KLHL42: variants seen among roughly 807,000 people sequenced by gnomAD.
KLHL42 encodes kelch like family member 42, also known as kelch-like protein 42.
In KLHL42, 27 loss-of-function variants were observed where a neutral mutation model predicts 32.7. That is an observed-to-expected ratio of 0.83 (90% CI 0.61 to 1.14). KLHL42 has a LOEUF of 1.14. KLHL42 is among the 50% of genes most tolerant of loss of function. KLHL42 has a pLI of 0.00. For synonymous variants in KLHL42, 267 were observed against 248.2 expected (o/e 1.08, Z -0.71); for missense variants, 491 against 560.8 (o/e 0.88, Z 1.26).
chr12:27,782,565 C>T (rs2062153720), intron 1 of KLHL42, among the ~76,000 whole-genome samples: 2 of 152,034 alleles, frequency 1.3e-5, no homozygotes, highest in Non-Finnish European at 2.9e-5. Flanking sequence ...AACAAAGGAA[C>T]ATTGTGTGGC....
chr12:27,799,890 G>C lies in KLHL42; in HGVS notation c.*1724G>C, dbSNP rs971301829. The C allele has an allele frequency of 9.8e-6, 7 of 713,064 alleles. No homozygotes were observed. The highest frequency in any genetic ancestry group is 1.0e-5 in the Non-Finnish European group (6 of 581,700). 44.2% of individuals were successfully genotyped at this position (713,064 alleles called of 1,614,324 possible). On this transcript the variant is annotated 3_prime_UTR_variant, in exon 3 of 3. Transcript: ENST00000381271. The stretch of plus-strand genomic sequence containing the variant: ...AACTTTGTAAGGGTTTCTAAGCTAT[G>C]CCCATTTATTCCCAAATATTAAGCC...
In KLHL42 at chr12:27,800,262, G is replaced by C. The variant is rs1330658537; in HGVS notation, c.*2096G>C. ...TCATTGGGTCTATTTGCCTAATGTT[G>C]ACAATTAGATTCTTGGACCAAGTGA... On this transcript the variant is annotated 3_prime_UTR_variant, in exon 3 of 3. Coordinates refer to ENST00000381271, the MANE Select transcript of KLHL42 (RefSeq NM_020782.2). 1.0e-6 allele frequency: 1 copy of C among 985,124 alleles called. No homozygotes were observed. Among genetic ancestry groups the C allele is most frequent in the Non-Finnish European group, 1.2e-6 (1 of 829,908 alleles). 61.0% of individuals were successfully genotyped at this position (985,124 alleles called of 1,614,324 possible).
At position 27,792,122 on chromosome 12, in the gene KLHL42, G is replaced by T. The variant is rs535101552; in HGVS notation, c.1066+221G>T. On this transcript the variant is annotated intron_variant, in intron 2 of 2. Coordinates refer to ENST00000381271, the MANE Select transcript of KLHL42 (RefSeq NM_020782.2). ...TTGTGTGAGCATGAAAATCGAATGG[G>T]GAAGGGAGAGCTGTGAAAAAAAAAT... 3 of 379,464 alleles carry T rather than the reference G, an allele frequency of 7.9e-6. No individual in the cohort carries two copies. The East Asian group carries it at 1.3e-4, about 16-fold the overall frequency. 23.5% of individuals were successfully genotyped at this position (379,464 alleles called of 1,614,324 possible). A position where few individuals can be genotyped will look rare whatever the true frequency, so the allele number is the denominator to read the frequency against.
chr12:27,792,010 G>C, intron 2 of KLHL42, 109 bp downstream of exon 2: 1 of 850,718 alleles, frequency 1.2e-6, no homozygotes, highest in Non-Finnish European at 1.9e-6. Context: ...GTCATGTTAT[G>C]CTTTAATAGT....
At chr12:27,781,323 T>G in intron 1 of KLHL42, 121 bp downstream of exon 1, 4 of 1,209,118 alleles carry the variant, frequency 3.3e-6, no homozygotes, top group Non-Finnish European at 4.5e-6. Context: ...AATGACATCT[T>G]CAGGAATGTT....
At chr12:27,793,401 G>A (rs1052475489) in intron 2 of KLHL42, among the ~76,000 whole-genome samples, 3 of 151,990 alleles carry the variant, frequency 2.0e-5, no homozygotes, top group Admixed American at 1.3e-4. Context: ...AAATTAGCTG[G>A]TTGTGGTGGC....
In KLHL42 at chr12:27,799,358, G is replaced by T. The variant is rs2062234177; in HGVS notation, c.*1192G>T. The stretch of plus-strand genomic sequence containing the variant: ...ACAATAAAAGCTTCTGCCAATCATA[G>T]ATCAACATTCCTCAAAAATACATAC... On this transcript the variant is annotated 3_prime_UTR_variant, in exon 3 of 3. Coordinates refer to ENST00000381271, the MANE Select transcript of KLHL42 (RefSeq NM_020782.2). The T allele has an allele frequency of 6.6e-6, 1 of 152,190 alleles. No individual in the cohort carries two copies. The highest frequency in any genetic ancestry group is 6.5e-5 in the Admixed American group (1 of 15,282). 9.4% of individuals were successfully genotyped at this position (152,190 alleles called of 1,614,324 possible). A position where few individuals can be genotyped will look rare whatever the true frequency, so the allele number is the denominator to read the frequency against.
intron 2 of KLHL42, chr12:27,797,389 C>CT (rs556941838): frequency 9.6e-5 from 48 of 499,434 alleles, no homozygotes; most frequent in African/African-American, 8.9e-4. Context: ...GAGGCACTTA[C>CT]TTTTTTTACA....
chr12:27,792,059 G>A, intron 2 of KLHL42, 158 bp downstream of exon 2: 1 of 602,130 alleles, frequency 1.7e-6, no homozygotes, highest in Non-Finnish European at 2.9e-6. Flanking sequence ...GTTCCATATG[G>A]CAGGGATGAT....
Position 27,780,599 on chromosome 12 carries a change from T to TGGACGA in KLHL42, c.279_284dup (p.Asp93_Glu94dup), listed in dbSNP as rs1036026337. On this transcript the variant is annotated inframe_insertion, in exon 1 of 3. Coordinates refer to ENST00000381271, the MANE Select transcript of KLHL42 (RefSeq NM_020782.2). The surrounding 1 kb of genome is among the most constrained non-coding windows in gnomAD (Gnocchi z 8.8). ...CCGCGCGGGGAAAAGGGCGGCGGGG[T>TGGACGA]GGACGAGGACGAGGAGATGGATGAG... 53 of 1,538,910 alleles carry TGGACGA rather than the reference T, an allele frequency of 3.4e-5. No individual in the cohort carries two copies. The highest frequency in any genetic ancestry group is 4.6e-5 in the Non-Finnish European group (53 of 1,145,776).
Position 27,801,624 on chromosome 12 carries a change from G to A in KLHL42, c.*3458G>A, listed in dbSNP as rs1175290186. 3.9e-5 allele frequency: 6 copies of A among 152,204 alleles called. No individual in the cohort carries two copies. The highest frequency in any genetic ancestry group is 2.4e-5 in the African/African-American group (1 of 41,454). The allele number at this position is 152,204 out of a possible 1,614,324, so 9.4% of individuals were successfully genotyped here. On this transcript the variant is annotated 3_prime_UTR_variant, in exon 3 of 3. Transcript: ENST00000381271. ...TAAGGAGGCATTATGAATGAGTGCA[G>A]CATTCCTGTCCTCTGTGCCAGGATT...
intron 1 of KLHL42, among the ~76,000 whole-genome samples, chr12:27,783,446 G>A (rs1222309505): frequency 6.6e-6 from 1 of 152,134 alleles, no homozygotes; most frequent in Non-Finnish European, 1.5e-5. Flanking sequence ...GCACGGGGGT[G>A]TATCACCTTA....
intron 2 of KLHL42, among the ~76,000 whole-genome samples, chr12:27,794,802 CT>C (rs1001064766): frequency 1.0e-4 from 15 of 148,908 alleles, no homozygotes; most frequent in East Asian, 5.9e-4. Flanking sequence ...GAGAAGTGAC[CT>C]TTTTTTTTTC....
intron 1 of KLHL42, 145 bp downstream of exon 1, chr12:27,781,347 C>A: frequency 9.8e-7 from 1 of 1,023,038 alleles, no homozygotes; most frequent in Non-Finnish European, 1.4e-6. Context: ...GGCCTTGGCG[C>A]TGGCAAAATT....
At position 27,802,608 on chromosome 12, in the gene KLHL42, T is replaced by C. The variant is rs980632608; in HGVS notation, c.*4442T>C. 2.0e-5 allele frequency: 3 copies of C among 152,642 alleles called. No individual in the cohort carries two copies. The highest frequency in any genetic ancestry group is 2.9e-5 in the Non-Finnish European group (2 of 68,040). The allele number at this position is 152,642 out of a possible 1,614,324, so 9.5% of individuals were successfully genotyped here. ...TTATTCATACAGGAAGCATTAAATA[T>C]AAAAGATGGTCAGTTTTGAAGAGCA... On this transcript the variant is annotated 3_prime_UTR_variant, in exon 3 of 3. Coordinates refer to ENST00000381271, the MANE Select transcript of KLHL42 (RefSeq NM_020782.2).
At position 27,801,870 on chromosome 12, in the gene KLHL42, G is replaced by C. The variant is rs562597174; in HGVS notation, c.*3704G>C. 1 of 152,174 alleles carries C rather than the reference G, an allele frequency of 6.6e-6. No homozygotes were observed. Among genetic ancestry groups the C allele is most frequent in the African/African-American group, 2.4e-5 (1 of 41,430 alleles). The allele number at this position is 152,174 out of a possible 1,614,324, so 9.4% of individuals were successfully genotyped here. On this transcript the variant is annotated 3_prime_UTR_variant, in exon 3 of 3. Coordinates refer to ENST00000381271, the MANE Select transcript of KLHL42 (RefSeq NM_020782.2). ...TCTGTCATGTGCAAGACAATGCTAA[G>C]AACAGAATACAGACATAAATAAGTC...
rs77005683 is a variant in KLHL42 at position 27,798,217 on chromosome 12, TGTG to T, written c.*55_*57del. On this transcript the variant is annotated 3_prime_UTR_variant, in exon 3 of 3. Transcript: ENST00000381271. ...AACCTGGTTCAAGTTTTTTTTAAAATGTGGTGTCCCATTCCAAGGGAGACCAAT... is the reference window on the plus strand; with the variant it reads ...AACCTGGTTCAAGTTTTTTTTAAAATGTGTCCCATTCCAAGGGAGACCAAT... 7,344 of 728,276 alleles carry T rather than the reference TGTG, an allele frequency of 0.01. 428 individuals carry two copies. In the East Asian group the frequency reaches 0.13, roughly 13 times the overall value. 45.1% of individuals were successfully genotyped at this position (728,276 alleles called of 1,614,324 possible).
intron 1 of KLHL42, among the ~76,000 whole-genome samples, chr12:27,783,742 C>T (rs560416668): frequency 3.9e-5 from 6 of 152,094 alleles, no homozygotes; most frequent in South Asian, 2.1e-4. Flanking sequence ...CTACCACACC[C>T]GGCTAATTTT....
Position 27,802,665 on chromosome 12 carries a change from G to A in KLHL42, c.*4499G>A, listed in dbSNP as rs2062253495. 1 of 152,470 alleles carries A rather than the reference G, an allele frequency of 6.6e-6. No homozygotes were observed. The highest frequency in any genetic ancestry group is 6.6e-5 in the Admixed American group (1 of 15,262). 9.4% of individuals were successfully genotyped at this position (152,470 alleles called of 1,614,324 possible). A position where few individuals can be genotyped will look rare whatever the true frequency, so the allele number is the denominator to read the frequency against. On this transcript the variant is annotated 3_prime_UTR_variant, in exon 3 of 3. Coordinates refer to ENST00000381271, the MANE Select transcript of KLHL42 (RefSeq NM_020782.2). ...GCTGAAATGACTTGTACGGTTGGCT[G>A]GTGCTTTCTCAAATGGATTGCCATA...
Sources: gnomAD v4.1 joint callset for allele counts (sites outside exome capture counted in the v4.1 genomes callset) on GRCh38, gnomAD v4.1.1 for gene constraint, Gnocchi (gnomAD v3.1) non-coding constraint, MANE v1.5 for transcripts, NCBI Gene and HGNC (gene_info 2026-07-23, HGNC 2026-07-21) for gene names.